The following GSG1L variants were observed in gnomAD, a reference collection of about 807,000 sequenced individuals.
GSG1L encodes the protein germ cell-specific gene 1-like protein.
A neutral mutation model predicts 42.1 loss-of-function variants in GSG1L; 24 were observed. The observed-to-expected ratio is 0.57, with a 90% CI of 0.41 to 0.80. The LOEUF (loss-of-function observed/expected upper bound fraction) is 0.80. GSG1L is among the 30% of genes least tolerant of loss of function. GSG1L has a pLI of 0.00. For missense variants in GSG1L, 445 were observed against 472.2 expected (o/e 0.94, Z 0.53); for synonymous variants, 215 against 203.5 (o/e 1.06, Z -0.48).
At chr16:27,996,001 A>AC (rs2085511119) in intron 1 of GSG1L, among the ~76,000 whole-genome samples, 1 of 151,962 alleles carries the variant, frequency 6.6e-6, no homozygotes, top group African/African-American at 2.4e-5. Context: ...GGAGTTTGAG[A>AC]CCAGCCTCGG....
In GSG1L at chr16:27,807,358, T is replaced by C; in HGVS notation, c.898+129A>G. 5.8e-6 allele frequency: 4 copies of C among 691,618 alleles called. No homozygotes were observed. The East Asian group carries it at 1.1e-4, about 19-fold the overall frequency. The allele number at this position is 691,618 out of a possible 1,614,324, so 42.8% of individuals were successfully genotyped here. A position where few individuals can be genotyped will look rare whatever the true frequency, so the allele number is the denominator to read the frequency against. On this transcript the variant is annotated intron_variant, in intron 6 of 6. Coordinates refer to ENST00000447459, the MANE Select transcript of GSG1L (RefSeq NM_001109763.2). ...ACACCAGACTCAGTTTCCTCATCTG[T>C]AACGTGTTTGTGGGAGAATGCAGGG...
intron 4 of GSG1L, among the ~76,000 whole-genome samples, chr16:27,830,670 C>A (rs1335843330): frequency 6.6e-6 from 1 of 152,168 alleles, no homozygotes. Flanking sequence ...TGTGACTCAC[C>A]ACCCCCCACC....
chr16:27,873,060 A>G (rs1046886246), intron 3 of GSG1L, among the ~76,000 whole-genome samples: 4 of 152,138 alleles, frequency 2.6e-5, no homozygotes, highest in Non-Finnish European at 4.4e-5. Context: ...AGATCCAAGA[A>G]CCCTCTCTTC....
chr16:27,979,526 G>A (rs112507160), intron 1 of GSG1L, among the ~76,000 whole-genome samples: 1 of 144,422 alleles, frequency 6.9e-6, no homozygotes, highest in African/African-American at 2.6e-5. Context: ...CCAAGATCAT[G>A]CCCTTGCACT....
intron 1 of GSG1L, among the ~76,000 whole-genome samples, chr16:28,048,724 G>C (rs994951429): frequency 6.6e-6 from 1 of 152,186 alleles, no homozygotes; most frequent in African/African-American, 2.4e-5. Context: ...CATAGGATAT[G>C]GCTAAAGTGG....
intron 1 of GSG1L, among the ~76,000 whole-genome samples, chr16:27,979,734 AAAGAAAGAAAGAAAG>A (rs2085301160): frequency 1.5e-5 from 1 of 66,720 alleles, no homozygotes; most frequent in Non-Finnish European, 3.3e-5. Flanking sequence ...AAGGAAAGAA[AAAGAAAGAAAGAAAG>A]GAAAGAAAGA....
chr16:28,034,432 T>C (rs1462966027), intron 1 of GSG1L, among the ~76,000 whole-genome samples: 1 of 152,212 alleles, frequency 6.6e-6, no homozygotes, highest in Non-Finnish European at 1.5e-5. Context: ...AAATTTCTAC[T>C]GGCTTATGTG....
chr16:27,967,028 G>C (rs1374209453), intron 1 of GSG1L, among the ~76,000 whole-genome samples: 1 of 152,132 alleles, frequency 6.6e-6, no homozygotes, highest in African/African-American at 2.4e-5. Flanking sequence ...TGCGACACTA[G>C]ACTGGATAAA....
intron 1 of GSG1L, among the ~76,000 whole-genome samples, chr16:27,973,228 T>C (rs1291202948): frequency 2.0e-5 from 3 of 151,890 alleles, no homozygotes; most frequent in Non-Finnish European, 4.4e-5. Context: ...GGCAGGCAGA[T>C]CACCTGAGGT....
At chr16:27,866,792 G>A (rs573442551) in intron 3 of GSG1L, among the ~76,000 whole-genome samples, 22 of 151,970 alleles carry the variant, frequency 1.4e-4, no homozygotes, top group Non-Finnish European at 1.8e-4. Context: ...GGCTGGGGTC[G>A]AACTCCTGAC....
intron 2 of GSG1L, among the ~76,000 whole-genome samples, chr16:27,947,310 T>C (rs1283723282): frequency 6.7e-6 from 1 of 149,270 alleles, no homozygotes; most frequent in African/African-American, 2.5e-5. Flanking sequence ...TTAACCTCTC[T>C]GAGCACAGCT....
intron 2 of GSG1L, among the ~76,000 whole-genome samples, chr16:27,920,605 G>A (rs1221336821): frequency 6.6e-6 from 1 of 152,212 alleles, no homozygotes; most frequent in Non-Finnish European, 1.5e-5. Context: ...GCAGCCTGAG[G>A]AGCGTGGGCC....
chr16:28,021,412 A>G (rs987566924), intron 1 of GSG1L, among the ~76,000 whole-genome samples: 5 of 152,206 alleles, frequency 3.3e-5, no homozygotes, highest in Admixed American at 6.5e-5. Context: ...CCACTCCACT[A>G]TAGTGCTCCT....
In GSG1L at chr16:28,032,053, G is replaced by A. The variant is rs544884406; in HGVS notation, c.349+31023C>T. On this transcript the variant is annotated intron_variant, in intron 1 of 6. Transcript: ENST00000447459. Reference sequence around the variant, plus strand: ...GAATTCATTACAGCAAGATCACAGGGGAACTGTATCTCTTGGGTATTCAGG... The same window carrying A: ...GAATTCATTACAGCAAGATCACAGGAGAACTGTATCTCTTGGGTATTCAGG... Among the ~76,000 whole-genome samples the A allele has an allele frequency of 2.0e-5, 3 of 152,260 alleles. No individual in the cohort carries two copies. The East Asian group carries it at 5.8e-4, about 29-fold the overall frequency.
intron 2 of GSG1L, among the ~76,000 whole-genome samples, chr16:27,898,293 TG>T (rs2084214217): frequency 6.6e-6 from 1 of 152,172 alleles, no homozygotes; most frequent in Non-Finnish European, 1.5e-5. Flanking sequence ...AGTAGGAACC[TG>T]GTGGGAAGAA....
chr16:27,886,078 A>G (rs1404326339), intron 2 of GSG1L, among the ~76,000 whole-genome samples: 2 of 152,144 alleles, frequency 1.3e-5, no homozygotes, highest in African/African-American at 4.8e-5. Context: ...TCAGAGTGCC[A>G]TGTCCCTCCA....
At chr16:28,054,985 G>A (rs1272940840) in intron 1 of GSG1L, among the ~76,000 whole-genome samples, 1 of 152,008 alleles carries the variant, frequency 6.6e-6, no homozygotes, top group East Asian at 1.9e-4. Context: ...GCCCCCGCAG[G>A]CCCCCTACTC....
At chr16:27,888,464 CTCTCTCTCT>C (rs2084065363) in intron 2 of GSG1L, among the ~76,000 whole-genome samples, 2 of 10,988 alleles carry the variant, frequency 1.8e-4, no homozygotes, top group Non-Finnish European at 5.9e-4. Context: ...TTCTTTCTTT[CTCTCTCTCT>C]CTCTCTTTCC....
chr16:27,927,444 A>G (rs779762818), intron 2 of GSG1L, among the ~76,000 whole-genome samples: 15 of 152,074 alleles, frequency 9.9e-5, no homozygotes, highest in African/African-American at 1.7e-4. Context: ...GTTCAGAGGG[A>G]GGAAAGATGC....
Sources: gnomAD v4.1 joint callset for allele counts (sites outside exome capture counted in the v4.1 genomes callset) on GRCh38, gnomAD v4.1.1 for gene constraint, MANE v1.5 for transcripts, NCBI Gene and HGNC (gene_info 2026-07-23, HGNC 2026-07-21) for gene names.